RBFOX1: variants seen among roughly 807,000 people sequenced by gnomAD.
RBFOX1 encodes RNA binding fox-1 homolog 1.
Under a neutral mutation model 57.7 loss-of-function variants are expected in RBFOX1, and 8 were observed. The observed-to-expected ratio is 0.14, with a 90% CI of 0.08 to 0.25. The LOEUF (loss-of-function observed/expected upper bound fraction) is 0.25. Among genes scored for constraint, RBFOX1 ranks in the 10% least tolerant of loss-of-function variants. The pLI is 1.00. For synonymous variants in RBFOX1, 326 were observed against 222.4 expected (o/e 1.47, Z -4.15); for missense variants, 611 against 548.5 (o/e 1.11, Z -1.14).
intron 4 of RBFOX1, among the ~76,000 whole-genome samples, chr16:7,272,383 C>G (rs1430450654): frequency 6.6e-6 from 1 of 152,102 alleles, no homozygotes; most frequent in Non-Finnish European, 1.5e-5. Flanking sequence ...CTGTGTTCCG[C>G]CATGTTGGCC....
At chr16:6,517,875 A>G (rs914625444) in intron 2 of RBFOX1, among the ~76,000 whole-genome samples, 1 of 152,210 alleles carries the variant, frequency 6.6e-6, no homozygotes, top group African/African-American at 2.4e-5. Flanking sequence ...TAAATGTCTT[A>G]TAAAGTCTGG....
chr16:6,642,959 G>C (rs1434416025), intron 2 of RBFOX1, among the ~76,000 whole-genome samples: 1 of 152,118 alleles, frequency 6.6e-6, no homozygotes, highest in Non-Finnish European at 1.5e-5. Context: ...TATGATTTCA[G>C]GTGAAATAGC....
intron 4 of RBFOX1, among the ~76,000 whole-genome samples, chr16:7,280,369 A>C (rs2095517375): frequency 6.6e-6 from 1 of 152,186 alleles, no homozygotes; most frequent in African/African-American, 2.4e-5. Context: ...GGTCATCCCC[A>C]ACCTGTTGGT....
intron 2 of RBFOX1, among the ~76,000 whole-genome samples, chr16:5,535,612 CTT>C (rs2151045558): frequency 6.6e-6 from 1 of 152,300 alleles, no homozygotes; most frequent in Admixed American, 6.5e-5. Flanking sequence ...TCATGCTTCT[CTT>C]TTTAGTGAAA....
intron 4 of RBFOX1, among the ~76,000 whole-genome samples, chr16:7,179,609 TATTAA>T (rs1484230618): frequency 2.0e-4 from 31 of 152,274 alleles, no homozygotes. Flanking sequence ...TTTTTTTATA[TATTAA>T]ATTAGGAAGC....
chr16:5,741,052 G>A (rs1170250010), intron 3 of RBFOX1, among the ~76,000 whole-genome samples: 3 of 152,174 alleles, frequency 2.0e-5, no homozygotes, highest in African/African-American at 7.2e-5. Flanking sequence ...CCTCTGTTTT[G>A]TAGATGGGGA....
intron 3 of RBFOX1, among the ~76,000 whole-genome samples, chr16:6,957,938 T>C (rs765322547): frequency 6.6e-6 from 1 of 151,976 alleles, no homozygotes; most frequent in Admixed American, 6.6e-5. Flanking sequence ...GCCCGAGAAG[T>C]CACACAGCAT....
chr16:6,291,797 A>G (rs996035554), intron 1 of RBFOX1, among the ~76,000 whole-genome samples: 1 of 152,188 alleles, frequency 6.6e-6, no homozygotes, highest in Non-Finnish European at 1.5e-5. Flanking sequence ...CTTGAAAATC[A>G]TCTTCTTAGA....
chr16:6,028,394 C>T (rs917718178), intron 1 of RBFOX1, among the ~76,000 whole-genome samples: 7 of 151,192 alleles, frequency 4.6e-5, no homozygotes, highest in African/African-American at 1.2e-4. Flanking sequence ...ACATGATGAC[C>T]GGGCATGGTG....
intron 4 of RBFOX1, among the ~76,000 whole-genome samples, chr16:7,215,149 A>G (rs12325123): frequency 0.071 from 10,776 of 152,128 alleles, 879 homozygotes; most frequent in African/African-American, 0.2. Flanking sequence ...ATGAGTGAGA[A>G]CATGTGGTGT....
chr16:7,672,544 G>T (rs1229047646), intron 13 of RBFOX1, among the ~76,000 whole-genome samples: 1 of 152,028 alleles, frequency 6.6e-6, no homozygotes, highest in African/African-American at 2.4e-5. Flanking sequence ...AAGAGAACTG[G>T]ACCTCCAACT....
At chr16:5,968,065 A>C (rs567459915) in intron 4 of RBFOX1, among the ~76,000 whole-genome samples, 1 of 152,140 alleles carries the variant, frequency 6.6e-6, no homozygotes, top group East Asian at 1.9e-4. Flanking sequence ...TCTAAAGCTC[A>C]TTCTCCAGTA....
chr16:7,010,840 G>C (rs910136338), intron 3 of RBFOX1, among the ~76,000 whole-genome samples: 2 of 152,170 alleles, frequency 1.3e-5, no homozygotes, highest in African/African-American at 4.8e-5. Context: ...GCCTCCCAAA[G>C]TGCTGGGATT....
rs76999480 is a variant in RBFOX1, at chr16:7,086,979, G to A, written c.27+34881G>A. Among the ~76,000 whole-genome samples the A allele has an allele frequency of 2.7e-3, 417 of 152,228 alleles. 2 individuals carry two copies. The highest frequency in any genetic ancestry group is 9.3e-3 in the African/African-American group (386 of 41,546). On this transcript the variant is annotated intron_variant, in intron 4 of 15. Coordinates refer to ENST00000550418, the MANE Select transcript of RBFOX1 (RefSeq NM_018723.4). ...TGGCTGAGAGCCCTGCACAGAGATG[G>A]GCAGGCGGCAGCTGCAGCGATGGGC... is the stretch of plus-strand genomic sequence containing the variant.
chr16:5,803,016 A>T (rs576744529), intron 3 of RBFOX1, among the ~76,000 whole-genome samples: 1 of 152,324 alleles, frequency 6.6e-6, no homozygotes, highest in South Asian at 2.1e-4. Context: ...AAGGAGACAG[A>T]CATGTACTTG....
At chr16:6,321,792 A>G (rs2081833662) in intron 2 of RBFOX1, among the ~76,000 whole-genome samples, 1 of 152,180 alleles carries the variant, frequency 6.6e-6, no homozygotes, top group South Asian at 2.1e-4. Context: ...AAATACTGGT[A>G]TGGGTCTTTC....
At chr16:7,411,910 AAAAAAAAAAAAAAAG>A (rs1423918068) in intron 4 of RBFOX1, among the ~76,000 whole-genome samples, 2 of 150,874 alleles carry the variant, frequency 1.3e-5, no homozygotes, top group African/African-American at 2.4e-5. Context: ...TTCAAAAAAA[AAAAAAAAAAAAAAAG>A]ATAGGGAAAA....
intron 1 of RBFOX1, among the ~76,000 whole-genome samples, chr16:5,278,818 T>C (rs1370596460): frequency 2.0e-5 from 3 of 152,234 alleles, no homozygotes; most frequent in Non-Finnish European, 4.4e-5. Context: ...GATATCTAGT[T>C]TTCCTGGCAC....
In RBFOX1 at chr16:7,023,564, TAAAAAAAAAAA is replaced by T. The variant is rs34056673; in HGVS notation, c.-15-28473_-15-28463del. 3.2e-4 allele frequency among the ~76,000 whole-genome samples: 14 copies of T among 43,916 alleles called. 1 individual carries two copies. The highest frequency in any genetic ancestry group is 9.4e-4 in the East Asian group (1 of 1,066). The allele number at this position is 43,916 out of a possible 152,430, so 28.8% of individuals were successfully genotyped here. A position where few individuals can be genotyped will look rare whatever the true frequency, so the allele number is the denominator to read the frequency against. On this transcript the variant is annotated intron_variant, in intron 3 of 15. Coordinates refer to ENST00000550418, the MANE Select transcript of RBFOX1 (RefSeq NM_018723.4). Reference sequence around the variant, plus strand: ...CAACATGGTGAAACTTCGTCTGTACTAAAAAAAAAAAAAAAAAAAAAAAAAAAAAATTAGCT... The same window carrying T: ...CAACATGGTGAAACTTCGTCTGTACTAAAAAAAAAAAAAAAAAAATTAGCT...
Sources: gnomAD v4.1 joint callset for allele counts (sites outside exome capture counted in the v4.1 genomes callset) on GRCh38, gnomAD v4.1.1 for gene constraint, MANE v1.5 for transcripts, NCBI Gene and HGNC (gene_info 2026-07-23, HGNC 2026-07-21) for gene names.